The following HNRNPC variants were observed in gnomAD, a reference collection of about 807,000 sequenced individuals.
HNRNPC encodes the protein heterogeneous nuclear ribonucleoprotein C.
In HNRNPC, 3 loss-of-function variants were observed where a neutral mutation model predicts 33.2. The observed-to-expected ratio is 0.09, with a 90% CI of 0.04 to 0.23. The LOEUF is 0.23. Among genes scored for constraint, HNRNPC ranks in the 10% least tolerant of loss-of-function variants. The pLI, the probability that HNRNPC is intolerant of heterozygous loss-of-function variation, is 1.00. For synonymous variants in HNRNPC, 121 were observed against 126.7 expected (o/e 0.96, Z 0.30); for missense variants, 143 against 366.7 (o/e 0.39, Z 4.98).
At chr14:21,246,659 A>G (rs188308627) in intron 2 of HNRNPC, among the ~76,000 whole-genome samples, 11 of 152,248 alleles carry the variant, frequency 7.2e-5, no homozygotes, top group African/African-American at 2.6e-4. Flanking sequence ...CTTGGAAAAG[A>G]AAGGAATAAT....
chr14:21,232,952 G>A (rs117688745), intron 3 of HNRNPC, among the ~76,000 whole-genome samples: 2,721 of 151,886 alleles, frequency 0.018, 34 homozygotes, highest in South Asian at 0.045. Context: ...CAGGACAATC[G>A]CTTGAACCCG....
chr14:21,266,373 A>G (rs965406562), intron 1 of HNRNPC, among the ~76,000 whole-genome samples: 2 of 152,280 alleles, frequency 1.3e-5, no homozygotes, highest in Admixed American at 1.3e-4. Context: ...TGCTGGGATT[A>G]CAGGCATGAG....
intron 2 of HNRNPC, among the ~76,000 whole-genome samples, chr14:21,255,961 G>C (rs1292839541): frequency 2.0e-5 from 3 of 152,092 alleles, no homozygotes; most frequent in Admixed American, 6.6e-5. Flanking sequence ...AAAATTCCAA[G>C]GAAAAGCCCT....
chr14:21,261,184 G>A (rs1878182140), intron 2 of HNRNPC, among the ~76,000 whole-genome samples: 2 of 152,152 alleles, frequency 1.3e-5, no homozygotes, highest in Admixed American at 1.3e-4. Context: ...CATCATATAT[G>A]GACATTATTT....
At chr14:21,231,491 C>T (rs1305692741) in intron 3 of HNRNPC, 7 of 427,574 alleles carry the variant, frequency 1.6e-5, no homozygotes, top group African/African-American at 4.1e-5. Flanking sequence ...GGGACCACCA[C>T]GCCTGGTTAA....
intron 2 of HNRNPC, among the ~76,000 whole-genome samples, chr14:21,238,338 T>C (rs1894954349): frequency 6.6e-6 from 1 of 152,166 alleles, no homozygotes; most frequent in Non-Finnish European, 1.5e-5. Flanking sequence ...AAACGTACAA[T>C]ACATAGGAGA....
chr14:21,269,057 C>T (rs142793546), intron 1 of HNRNPC, among the ~76,000 whole-genome samples: 2 of 152,178 alleles, frequency 1.3e-5, no homozygotes, highest in Non-Finnish European at 2.9e-5. Context: ...GCCGTTAACA[C>T]AGGAAGAGCG....
At chr14:21,212,910 T>A in intron 6 of HNRNPC, 50 bp downstream of exon 6, 1 of 1,602,732 alleles carries the variant, frequency 6.2e-7, no homozygotes, top group Non-Finnish European at 8.5e-7. Flanking sequence ...TTAGCTTCCC[T>A]ATCTCAAAAC....
intron 5 of HNRNPC, among the ~76,000 whole-genome samples, chr14:21,215,459 T>C (rs1214535015): frequency 6.6e-6 from 1 of 152,182 alleles, no homozygotes; most frequent in Non-Finnish European, 1.5e-5. Context: ...GGCTAGGCTG[T>C]TTAAAATCTT....
At chr14:21,227,877 A>C (rs1262398361) in intron 5 of HNRNPC, among the ~76,000 whole-genome samples, 1 of 152,262 alleles carries the variant, frequency 6.6e-6, no homozygotes, top group East Asian at 1.9e-4. Context: ...TACCAACAAA[A>C]GTGTGAGTTT....
At chr14:21,211,597 G>A (rs80073450) in intron 7 of HNRNPC, 31 bp from the exon 8 acceptor site, 57,427 of 1,586,608 alleles carry the variant, frequency 0.036, 1,238 homozygotes, top group Non-Finnish European at 0.043. Flanking sequence ...TCTGTCTAGG[G>A]GCAGTAATGT....
chr14:21,255,162 A>C (rs1355488708), intron 2 of HNRNPC, among the ~76,000 whole-genome samples: 1 of 152,134 alleles, frequency 6.6e-6, no homozygotes, highest in East Asian at 1.9e-4. Flanking sequence ...CTGGAGGAAA[A>C]TTTTTGTTCA....
intron 1 of HNRNPC, chr14:21,264,077 A>G (rs990432578): frequency 1.3e-5 from 2 of 152,264 alleles, no homozygotes; most frequent in African/African-American, 4.8e-5. Context: ...CAAAAAGAGT[A>G]TATCCCAAAT....
chr14:21,211,628 C>T (rs1162563338), intron 7 of HNRNPC, 62 bp from the exon 8 acceptor site: 6 of 1,544,450 alleles, frequency 3.9e-6, no homozygotes, highest in African/African-American at 1.4e-5. Flanking sequence ...TAGACAATCC[C>T]CACTAAGGAT....
chr14:21,227,854 A>AACTAAGAG (rs1893654625), intron 5 of HNRNPC, among the ~76,000 whole-genome samples: 1 of 152,246 alleles, frequency 6.6e-6, no homozygotes, highest in Non-Finnish European at 1.5e-5. Flanking sequence ...AGTCCATGAC[A>AACTAAGAG]TCCCTGAAAT....
intron 2 of HNRNPC, among the ~76,000 whole-genome samples, chr14:21,234,456 C>T (rs961310944): frequency 6.6e-6 from 1 of 152,018 alleles, no homozygotes; most frequent in African/African-American, 2.4e-5. Flanking sequence ...TTCAGCAGCA[C>T]TAAACTCTAA....
intron 1 of HNRNPC, chr14:21,265,219 T>A (rs1215279513): frequency 6.6e-6 from 1 of 152,228 alleles, no homozygotes; most frequent in African/African-American, 2.4e-5. Flanking sequence ...TACATCTGAA[T>A]GTTCTTTTCC....
chr14:21,247,284 TAAG>T (rs1396407573), intron 2 of HNRNPC, among the ~76,000 whole-genome samples: 1 of 152,206 alleles, frequency 6.6e-6, no homozygotes, highest in Non-Finnish European at 1.5e-5. Flanking sequence ...GCTCCAGCGT[TAAG>T]AAAATTTCAG....
At chr14:21,239,938 A>T (rs774644340) in intron 2 of HNRNPC, among the ~76,000 whole-genome samples, 1 of 152,202 alleles carries the variant, frequency 6.6e-6, no homozygotes, top group Non-Finnish European at 1.5e-5. Flanking sequence ...TATTACACAC[A>T]TGGACAAATG....
Sources: allele counts gnomAD v4.1 joint callset (sites outside exome capture counted in the v4.1 genomes callset), GRCh38; gene constraint gnomAD v4.1.1; transcripts MANE v1.5; gene names NCBI Gene and HGNC (gene_info 2026-07-23, HGNC 2026-07-21).